The following MLLT10 variants were observed in gnomAD, a reference collection of about 807,000 sequenced individuals.
MLLT10 encodes the protein protein AF-10.
In MLLT10, 30 loss-of-function variants were observed where a neutral mutation model predicts 129.1. That is an observed-to-expected ratio of 0.23 (90% CI 0.17 to 0.32). MLLT10 has a LOEUF of 0.32. Ranked by LOEUF, MLLT10 falls within the 10% of genes least tolerant of loss-of-function variation. The probability of loss-of-function intolerance (pLI) is 1.00; values close to 1 mark genes in which losing one functional copy is unlikely to be tolerated. For missense variants in MLLT10, 1,119 were observed against 1,268.3 expected, an observed-to-expected ratio of 0.88 and a Z score of 1.79; for synonymous variants, 490 against 446.4, an observed-to-expected ratio of 1.10 and a Z score of -1.23.
intron 8 of MLLT10, among the ~76,000 whole-genome samples, chr10:21,636,927 G>T (rs771098516): frequency 6.6e-6 from 1 of 152,258 alleles, no homozygotes; most frequent in African/African-American, 2.4e-5. Context: ...AGATACTAAC[G>T]GAGTTAGAGA....
intron 11 of MLLT10, among the ~76,000 whole-genome samples, chr10:21,678,825 TTTAG>T (rs1188901956): frequency 1.3e-5 from 2 of 152,330 alleles, no homozygotes; most frequent in East Asian, 3.9e-4. Flanking sequence ...TTAGGAACTC[TTTAG>T]TTACTCTCTC....
intron 8 of MLLT10, among the ~76,000 whole-genome samples, chr10:21,632,916 C>G (rs1429048254): frequency 1.3e-5 from 2 of 152,040 alleles, no homozygotes; most frequent in African/African-American, 4.8e-5. Flanking sequence ...AATACATAAC[C>G]TGATTTTAGA....
chr10:21,585,767 T>G (rs2041926115), intron 3 of MLLT10, among the ~76,000 whole-genome samples: 2 of 152,162 alleles, frequency 1.3e-5, no homozygotes, highest in African/African-American at 4.8e-5. Flanking sequence ...AGGAGTTTTG[T>G]TTTGTTTCTT....
chr10:21,638,805 G>T (rs2047705785), intron 8 of MLLT10, among the ~76,000 whole-genome samples: 1 of 152,102 alleles, frequency 6.6e-6, no homozygotes, highest in Non-Finnish European at 1.5e-5. Context: ...TCACCTAATT[G>T]TTACAGTGGG....
At position 21,733,495 on chromosome 10, in the gene MLLT10, T is replaced by C; in HGVS notation, c.2408-9T>C. On this transcript the variant is annotated splice_polypyrimidine_tract_variant and intron_variant, in intron 18 of 22. Coordinates refer to ENST00000307729, the MANE Select transcript of MLLT10 (RefSeq NM_001195626.3). The stretch of plus-strand genomic sequence containing the variant: ...TAAATAGGTTTCTTTTTGTCTTTTA[T>C]TATTCTAGCTCCTACTACTGATTCC... 6.7e-7 allele frequency: 1 copy of C among 1,487,400 alleles called. No homozygotes were observed. Among genetic ancestry groups the C allele is most frequent in the Non-Finnish European group, 9.0e-7 (1 of 1,116,798 alleles). 92.1% of individuals were successfully genotyped at this position (1,487,400 alleles called of 1,614,324 possible). A position where few individuals can be genotyped will look rare whatever the true frequency, so the allele number is the denominator to read the frequency against.
chr10:21,555,839 G>A (rs890946306), intron 3 of MLLT10, among the ~76,000 whole-genome samples: 3 of 149,064 alleles, frequency 2.0e-5, no homozygotes, highest in South Asian at 2.1e-4. Context: ...AGCTAATTTT[G>A]TATTTTTAGT....
chr10:21,567,377 G>A (rs986011062), intron 3 of MLLT10, among the ~76,000 whole-genome samples: 1 of 152,160 alleles, frequency 6.6e-6, no homozygotes, highest in Admixed American at 6.5e-5. Flanking sequence ...CCTGATCTCT[G>A]TGGTGGATGT....
intron 9 of MLLT10, among the ~76,000 whole-genome samples, chr10:21,652,482 A>G (rs547007316): frequency 3.3e-5 from 5 of 152,246 alleles, no homozygotes; most frequent in African/African-American, 1.2e-4. Context: ...GTGTAAAGCA[A>G]TTAGAACAGT....
At chr10:21,572,984 T>C in intron 3 of MLLT10, among the ~76,000 whole-genome samples, 1 of 152,282 alleles carries the variant, frequency 6.6e-6, no homozygotes. Flanking sequence ...TTAGCAATTA[T>C]AAAGTATTAT....
intron 13 of MLLT10, among the ~76,000 whole-genome samples, chr10:21,695,045 A>G (rs1189262381): frequency 6.9e-6 from 1 of 145,378 alleles, no homozygotes; most frequent in Non-Finnish European, 1.5e-5. Flanking sequence ...CGCATCTTTC[A>G]CTGACTTTCT....
intron 13 of MLLT10, among the ~76,000 whole-genome samples, chr10:21,687,117 A>G (rs1413239722): frequency 1.3e-5 from 2 of 152,168 alleles, no homozygotes; most frequent in African/African-American, 4.8e-5. Flanking sequence ...CTGGTTTGAG[A>G]CAACTGCGCT....
chr10:21,634,793 T>C (rs1267696187), intron 8 of MLLT10, among the ~76,000 whole-genome samples: 1 of 152,352 alleles, frequency 6.6e-6, no homozygotes, highest in Non-Finnish European at 1.5e-5. Flanking sequence ...TTCACTGTGT[T>C]ACGTAATTCC....
At position 21,610,985 on chromosome 10, in the gene MLLT10, T is replaced by A. The variant is rs1354927792; in HGVS notation, c.406-1363T>A. On this transcript the variant is annotated intron_variant, in intron 5 of 22. Transcript: ENST00000307729. ...TCCTAGTTTTTCTTTCTTTTTTCTC[T>A]TTTTTTTTTTTTTTTTTTTCCTTTT... Among the ~76,000 whole-genome samples the A allele has an allele frequency of 5.1e-5, 3 of 59,204 alleles. No individual in the cohort carries two copies. In the East Asian group the frequency reaches 7.2e-4, roughly 14 times the overall value. The allele number at this position is 59,204 out of a possible 152,430, so 38.8% of individuals were successfully genotyped here.
rs891402764 is a variant in MLLT10 at position 21,608,940 on chromosome 10, A to C, written c.406-3408A>C. Among the ~76,000 whole-genome samples the C allele has an allele frequency of 3.9e-5, 6 of 152,046 alleles. No individual in the cohort carries two copies. The East Asian group carries it at 1.2e-3, about 29-fold the overall frequency. On this transcript the variant is annotated intron_variant, in intron 5 of 22. Transcript: ENST00000307729. ...CTTTATTTTTTAATTTTTTTGTTGAATACCTATTTTAGGTAATATAGCCCC... is the reference window on the plus strand; with the variant it reads ...CTTTATTTTTTAATTTTTTTGTTGACTACCTATTTTAGGTAATATAGCCCC...
chr10:21,539,027 A>G lies in MLLT10; in HGVS notation c.240+115A>G. On this transcript the variant is annotated intron_variant, in intron 3 of 22. Coordinates refer to ENST00000307729, the MANE Select transcript of MLLT10 (RefSeq NM_001195626.3). ...GTCATTTCTTCAAATATCATAATGT[A>G]AGAGATAATTTAGGCCAAATATTGA... 4.5e-6 allele frequency: 3 copies of G among 668,544 alleles called. No individual in the cohort carries two copies. In the South Asian group the frequency reaches 7.0e-5, roughly 16 times the overall value. 41.4% of individuals were successfully genotyped at this position (668,544 alleles called of 1,614,324 possible). A position where few individuals can be genotyped will look rare whatever the true frequency, so the allele number is the denominator to read the frequency against.
intron 9 of MLLT10, among the ~76,000 whole-genome samples, chr10:21,664,860 G>T (rs2050589904): frequency 6.6e-6 from 1 of 150,878 alleles, no homozygotes; most frequent in African/African-American, 2.4e-5. Flanking sequence ...GCTTTCTATT[G>T]ATTAGCTTTA....
At chr10:21,689,565 G>GTA (rs71393919) in intron 13 of MLLT10, among the ~76,000 whole-genome samples, 17,605 of 112,982 alleles carry the variant, frequency 0.16, 1,379 homozygotes, top group African/African-American at 0.26. Context: ...ATATATATAT[G>GTA]TATATATATA....
At chr10:21,545,757 CTG>C (rs1338518421) in intron 3 of MLLT10, among the ~76,000 whole-genome samples, 1 of 152,198 alleles carries the variant, frequency 6.6e-6, no homozygotes, top group Non-Finnish European at 1.5e-5. Context: ...ACATCGAACT[CTG>C]GGGCTCAAGG....
intron 2 of MLLT10, among the ~76,000 whole-genome samples, chr10:21,537,306 A>G (rs2034214754): frequency 6.6e-6 from 1 of 151,724 alleles, no homozygotes; most frequent in Non-Finnish European, 1.5e-5. Context: ...CTTTCTTTAT[A>G]TATTTTTTTG....
Sources: gnomAD v4.1 joint callset for allele counts (sites outside exome capture counted in the v4.1 genomes callset) on GRCh38, gnomAD v4.1.1 for gene constraint, MANE v1.5 for transcripts, NCBI Gene and HGNC (gene_info 2026-07-23, HGNC 2026-07-21) for gene names.